Variants in UNC5C observed in about 807,000 individuals in gnomAD.
UNC5C encodes unc-5 netrin receptor C.
In UNC5C, 47 loss-of-function variants were observed where a neutral mutation model predicts 99.8. The ratio of observed to expected loss-of-function variants is 0.47; its 90% CI spans 0.37 to 0.60. The LOEUF is 0.60. Among genes scored for constraint, UNC5C ranks in the 20% least tolerant of loss-of-function variants. The probability of loss-of-function intolerance (pLI) is 0.00; values close to 1 mark genes in which losing one functional copy is unlikely to be tolerated. For synonymous variants in UNC5C, 487 were observed against 452.2 expected (o/e 1.08, Z -0.98); for missense variants, 1,062 against 1,165.9 (o/e 0.91, Z 1.30).
intron 1 of UNC5C, among the ~76,000 whole-genome samples, chr4:95,465,836 C>T (rs572974337): frequency 6.6e-6 from 1 of 152,010 alleles, no homozygotes; most frequent in Non-Finnish European, 1.5e-5. Context: ...CCCCAGTGAC[C>T]TTTCTCCTTT....
rs566150509 is a variant in UNC5C at position 95,397,676 on chromosome 4, C to T, written c.125-62045G>A. On this transcript the variant is annotated intron_variant, in intron 1 of 15. Transcript: ENST00000453304. ...TGTCACTCAATACATAGGACATGAA[C>T]GTACATGATGTGGCCAATACCATCC... Among the ~76,000 whole-genome samples the T allele has an allele frequency of 7.2e-5, 11 of 152,214 alleles. No individual in the cohort carries two copies. In the South Asian group the frequency reaches 8.3e-4, roughly 11 times the overall value.
At chr4:95,447,479 C>T (rs1316490947) in intron 1 of UNC5C, among the ~76,000 whole-genome samples, 1 of 152,030 alleles carries the variant, frequency 6.6e-6, no homozygotes, top group Non-Finnish European at 1.5e-5. Context: ...AAAAGTCAGG[C>T]CTGCCTAATT....
At chr4:95,500,157 C>A (rs1416522354) in intron 1 of UNC5C, among the ~76,000 whole-genome samples, 1 of 152,038 alleles carries the variant, frequency 6.6e-6, no homozygotes, top group Non-Finnish European at 1.5e-5. Context: ...AGAAGTGCTG[C>A]AGGATTTTCT....
At chr4:95,524,389 T>C (rs1232751721) in intron 1 of UNC5C, among the ~76,000 whole-genome samples, 1 of 152,172 alleles carries the variant, frequency 6.6e-6, no homozygotes, top group African/African-American at 2.4e-5. Flanking sequence ...GGGCGATTAT[T>C]ATTGCTGCTG....
chr4:95,244,911 T>G, intron 6 of UNC5C, 66 bp downstream of exon 6: 1 of 1,587,896 alleles, frequency 6.3e-7, no homozygotes, highest in Non-Finnish European at 8.6e-7. Flanking sequence ...TCTGTGTATC[T>G]ATTCTCTAAA....
At chr4:95,342,009 T>A (rs2149424400) in intron 1 of UNC5C, among the ~76,000 whole-genome samples, 1 of 152,270 alleles carries the variant, frequency 6.6e-6, no homozygotes, top group Middle Eastern at 3.4e-3. Flanking sequence ...CGTCAGAACC[T>A]GCGTTCTATT....
chr4:95,220,184 G>A lies in UNC5C; in HGVS notation c.1109-8C>T. 1 of 1,608,984 alleles carries A rather than the reference G, an allele frequency of 6.2e-7. No homozygotes were observed. The highest frequency in any genetic ancestry group is 8.5e-7 in the Non-Finnish European group (1 of 1,177,056). The stretch of plus-strand genomic sequence containing the variant: ...CATCTGAATCAGGAGCAGCTAGAGA[G>A]GAGAGTGAAACATTGAACCAGCTGC... On this transcript the variant is annotated splice_polypyrimidine_tract_variant and splice_region_variant and intron_variant, in intron 7 of 15. Coordinates refer to ENST00000453304, the MANE Select transcript of UNC5C (RefSeq NM_003728.4).
intron 1 of UNC5C, among the ~76,000 whole-genome samples, chr4:95,420,050 T>A (rs1746273473): frequency 6.6e-6 from 1 of 152,220 alleles, no homozygotes; most frequent in South Asian, 2.1e-4. Flanking sequence ...CCTCTTGAGA[T>A]GTCTTAAGTA....
intron 5 of UNC5C, among the ~76,000 whole-genome samples, chr4:95,249,031 A>G (rs576047927): frequency 6.6e-6 from 1 of 152,162 alleles, no homozygotes; most frequent in East Asian, 1.9e-4. Context: ...TTATTTTTAT[A>G]GCACCTTTTC....
intron 1 of UNC5C, among the ~76,000 whole-genome samples, chr4:95,383,262 T>C (rs1745121062): frequency 6.6e-6 from 1 of 150,828 alleles, no homozygotes; most frequent in African/African-American, 2.4e-5. Flanking sequence ...TGTGTGTGTT[T>C]ACACACACAC....
chr4:95,452,764 G>T (rs916455475), intron 1 of UNC5C, among the ~76,000 whole-genome samples: 38 of 152,260 alleles, frequency 2.5e-4, no homozygotes, highest in African/African-American at 9.1e-4. Context: ...GAGGTTTAAA[G>T]AATTATAGGG....
chr4:95,497,653 TA>T (rs1228411550), intron 1 of UNC5C, among the ~76,000 whole-genome samples: 1 of 151,988 alleles, frequency 6.6e-6, no homozygotes, highest in African/African-American at 2.4e-5. Flanking sequence ...ACAGATAAAA[TA>T]ATAGTATTTT....
chr4:95,500,139 C>G (rs532907309), intron 1 of UNC5C, among the ~76,000 whole-genome samples: 1 of 152,140 alleles, frequency 6.6e-6, no homozygotes, highest in South Asian at 2.1e-4. Context: ...CTATAACACC[C>G]AGTTCACAGA....
intron 1 of UNC5C, among the ~76,000 whole-genome samples, chr4:95,519,551 A>C (rs1032218076): frequency 6.6e-6 from 1 of 152,120 alleles, no homozygotes; most frequent in Non-Finnish European, 1.5e-5. Flanking sequence ...AAAAAAAACA[A>C]ACTTTTCCTA....
At chr4:95,204,613 C>T (rs1201790706) in intron 11 of UNC5C, among the ~76,000 whole-genome samples, 2 of 152,246 alleles carry the variant, frequency 1.3e-5, no homozygotes, top group Non-Finnish European at 2.9e-5. Flanking sequence ...AAGAAAATCT[C>T]AGGCAGGAGA....
intron 4 of UNC5C, among the ~76,000 whole-genome samples, chr4:95,251,328 T>G (rs1739719106): frequency 6.6e-6 from 1 of 152,188 alleles, no homozygotes; most frequent in African/African-American, 2.4e-5. Context: ...ACAATCTGAA[T>G]AGCTTACAAA....
intron 2 of UNC5C, among the ~76,000 whole-genome samples, chr4:95,307,633 A>G (rs1419433249): frequency 1.3e-5 from 2 of 152,230 alleles, no homozygotes; most frequent in East Asian, 3.8e-4. Context: ...AGCCAGCATT[A>G]TCCTCTTACC....
intron 1 of UNC5C, among the ~76,000 whole-genome samples, chr4:95,348,351 T>C (rs1743854402): frequency 6.6e-6 from 1 of 151,810 alleles, no homozygotes; most frequent in Non-Finnish European, 1.5e-5. Context: ...GAGAATGGTT[T>C]GGAGGTTCCC....
chr4:95,287,694 C>T (rs542405169), intron 3 of UNC5C, among the ~76,000 whole-genome samples: 1 of 152,344 alleles, frequency 6.6e-6, no homozygotes, highest in South Asian at 2.1e-4. Flanking sequence ...GATTAACAGG[C>T]AAGATGCAAT....
Sources: allele counts gnomAD v4.1 joint callset (sites outside exome capture counted in the v4.1 genomes callset), GRCh38; gene constraint gnomAD v4.1.1; transcripts MANE v1.5; gene names NCBI Gene and HGNC (gene_info 2026-07-23, HGNC 2026-07-21).